Variants in PEDS1 observed in about 807,000 individuals in gnomAD.
The protein encoded by PEDS1 is plasmanylethanolamine desaturase 1, also known as CarF homolog.
In PEDS1, 14 loss-of-function variants were observed where a neutral mutation model predicts 35.2. That is an observed-to-expected ratio of 0.40 (90% confidence interval 0.26 to 0.62). The LOEUF (loss-of-function observed/expected upper bound fraction) is 0.62. Among genes scored for constraint, PEDS1 ranks in the 20% least tolerant of loss-of-function variants. The pLI is 0.44. For synonymous variants in PEDS1, 152 were observed against 152.0 expected (o/e 1.00, Z 0.00); for missense variants, 260 against 367.8 (o/e 0.71, Z 2.40).
chr20:50,129,452 T>C lies in PEDS1; in HGVS notation c.478+94A>G, dbSNP rs151061945. 1.1e-3 allele frequency: 1,726 copies of C among 1,511,468 alleles called. 21 individuals carry two copies. In the African/African-American group the frequency reaches 0.019, roughly 17 times the overall value. 93.6% of individuals were successfully genotyped at this position (1,511,468 alleles called of 1,614,324 possible). ...GAATGAAAACTCTTTTAAAATACCA[T>C]AAGGAGCCAAACACATAAGCCCCAG... On this transcript the variant is annotated intron_variant, in intron 4 of 5. Transcript: ENST00000371652. This position sits in a 1 kb window ranked among gnomAD's most constrained non-coding sequence, Gnocchi z 4.2.
chr20:50,129,013 G>C lies in PEDS1; in HGVS notation c.478+533C>G, dbSNP rs1016199781. On this transcript the variant is annotated intron_variant, in intron 4 of 5. Transcript: ENST00000371652. The surrounding 1 kb of genome is among the most constrained non-coding windows in gnomAD (Gnocchi z 4.2). ...CGGAGGCTGCCTGAAGAACAAATGG[G>C]TGTTAAGGTGCTGGAACAGGACCGG... Among the ~76,000 whole-genome samples, 1 of 152,244 alleles carries C rather than the reference G, an allele frequency of 6.6e-6. No individual in the cohort carries two copies. Among genetic ancestry groups the C allele is most frequent in the African/African-American group, 2.4e-5 (1 of 41,464 alleles).
chr20:50,152,538 G>A (rs1158518004), intron 1 of PEDS1, among the ~76,000 whole-genome samples: 2 of 150,952 alleles, frequency 1.3e-5, no homozygotes, highest in South Asian at 2.1e-4. Flanking sequence ...TAGGGCTCAC[G>A]TAGGAGTCAC....
intron 2 of PEDS1, 59 bp from the exon 3 acceptor site, chr20:50,131,006 A>G (rs1364743276): frequency 6.2e-7 from 1 of 1,613,672 alleles, no homozygotes; most frequent in African/African-American, 1.3e-5. Flanking sequence ...AGAATCACTC[A>G]TTCATTTACT....
chr20:50,153,605 C>G lies in PEDS1; in HGVS notation c.33G>C (p.Gln11His). The stretch of plus-strand genomic sequence containing the variant: ...ACGCCTCGTCCTCGTCCAGCTCCAG[C>G]TGCTGGCCCGGCCAGTTCTCGGCGC... MAGAENWPGQQLELDEDEASC... is the reference protein window; with the variant it reads MAGAENWPGQHLELDEDEASC... Residue 11 changes from glutamine (Q) to histidine (H), a missense_variant, in exon 1 of 6, where the codon CAG (glutamine) becomes CAC (histidine). This residue lies in a region of PEDS1 where 114 missense variants were observed against 121.6 expected (regional missense o/e 0.94). Transcript: ENST00000371652. 1.4e-6 allele frequency: 2 copies of G among 1,394,130 alleles called. No individual in the cohort carries two copies. The highest frequency in any genetic ancestry group is 3.0e-5 in the South Asian group (2 of 67,110). The allele number at this position is 1,394,130 out of a possible 1,614,324, so 86.4% of individuals were successfully genotyped here.
chr20:50,119,889 T>C lies in PEDS1; in HGVS notation c.*5169A>G, dbSNP rs1049230714. The C allele has an allele frequency of 1.3e-5, 2 of 152,262 alleles. No homozygotes were observed. Among genetic ancestry groups the C allele is most frequent in the African/African-American group, 4.8e-5 (2 of 41,454 alleles). The allele number at this position is 152,262 out of a possible 1,614,324, so 9.4% of individuals were successfully genotyped here. ...TCGGACAATATGTAAATGAGGGGCA[T>C]GGCTGTGTGCCAATTCAGCTTTACA... On this transcript the variant is annotated 3_prime_UTR_variant, in exon 6 of 6. Coordinates refer to ENST00000371652, the MANE Select transcript of PEDS1 (RefSeq NM_199129.4).
At chr20:50,147,319 A>T (rs2081356509) in intron 1 of PEDS1, among the ~76,000 whole-genome samples, 1 of 152,218 alleles carries the variant, frequency 6.6e-6, no homozygotes, top group African/African-American at 2.4e-5. Flanking sequence ...CTAGGCCTAA[A>T]CAATAAGTAA....
At chr20:50,141,558 G>C (rs527804987) in intron 2 of PEDS1, among the ~76,000 whole-genome samples, 1 of 152,358 alleles carries the variant, frequency 6.6e-6, no homozygotes, top group East Asian at 1.9e-4. Context: ...ATGAGGCTGA[G>C]AGATGCAATG....
intron 2 of PEDS1, among the ~76,000 whole-genome samples, chr20:50,142,971 A>G (rs1259655574): frequency 6.6e-6 from 1 of 152,088 alleles, no homozygotes; most frequent in Non-Finnish European, 1.5e-5. Flanking sequence ...GGGTGGCTAG[A>G]GGAAGCTGGG....
rs2081026639 is a variant in PEDS1 at position 50,118,765 on chromosome 20, AC to A, written c.*6292del. 1 of 151,810 alleles carries A rather than the reference AC, an allele frequency of 6.6e-6. No homozygotes were observed. The highest frequency in any genetic ancestry group is 2.4e-5 in the African/African-American group (1 of 41,312). 9.4% of individuals were successfully genotyped at this position (151,810 alleles called of 1,614,324 possible). ...CTCCCAAGTAGCTGGGATTACAGGC[AC>A]CCGCCACCACACCCAGCTAATTATT... On this transcript the variant is annotated 3_prime_UTR_variant, in exon 6 of 6. Transcript: ENST00000371652.
rs1223454653 is a variant in PEDS1, at chr20:50,139,668, C to T, written c.241+3834G>A. On this transcript the variant is annotated intron_variant, in intron 2 of 5. Coordinates refer to ENST00000371652, the MANE Select transcript of PEDS1 (RefSeq NM_199129.4). ...GCTTCATCTTGACACAGATGACCCC[C>T]GGATTTCTTTCTTTTTTTTTTTTTT... 2.0e-4 allele frequency among the ~76,000 whole-genome samples: 29 copies of T among 148,130 alleles called. No homozygotes were observed. The Admixed American group carries it at 2.0e-3, about 10-fold the overall frequency.
intron 5 of PEDS1, among the ~76,000 whole-genome samples, chr20:50,127,667 T>C (rs1297116685): frequency 6.6e-6 from 1 of 152,206 alleles, no homozygotes; most frequent in African/African-American, 2.4e-5. Context: ...TTTTGTTTGC[T>C]GCAGGAGCCT....
At chr20:50,132,381 C>T (rs992408520) in intron 2 of PEDS1, among the ~76,000 whole-genome samples, 2 of 152,194 alleles carry the variant, frequency 1.3e-5, no homozygotes, top group Non-Finnish European at 2.9e-5. Context: ...TGCTGCCTCC[C>T]ATCACTCTCC....
intron 1 of PEDS1, among the ~76,000 whole-genome samples, chr20:50,152,082 C>A (rs978121609): frequency 2.6e-5 from 4 of 152,122 alleles, no homozygotes; most frequent in Non-Finnish European, 5.9e-5. Context: ...TGGCCTACCC[C>A]CAGGAGAGCA....
chr20:50,128,235 G>A lies in PEDS1; in HGVS notation c.479-48C>T, dbSNP rs1482165860. ...GCCGGCACAGCTGTCACTCGGGACG[G>A]GGAACCCACCCCAAATGGCCCTCAC... is the stretch of plus-strand genomic sequence containing the variant. On this transcript the variant is annotated intron_variant, in intron 4 of 5. Coordinates refer to ENST00000371652, the MANE Select transcript of PEDS1 (RefSeq NM_199129.4). The surrounding 1 kb of genome is among the most constrained non-coding windows in gnomAD (Gnocchi z 5.2). The A allele has an allele frequency of 6.2e-7, 1 of 1,606,020 alleles. No individual in the cohort carries two copies. Among genetic ancestry groups the A allele is most frequent in the Non-Finnish European group, 8.5e-7 (1 of 1,176,500 alleles).
intron 2 of PEDS1, among the ~76,000 whole-genome samples, chr20:50,136,852 C>T (rs549104566): frequency 1.3e-5 from 2 of 151,828 alleles, no homozygotes; most frequent in Admixed American, 1.3e-4. Context: ...GCCTGGGCAA[C>T]ACAGCGAAAC....
At chr20:50,147,993 G>A (rs1031832227) in intron 1 of PEDS1, among the ~76,000 whole-genome samples, 25 of 152,210 alleles carry the variant, frequency 1.6e-4, no homozygotes, top group African/African-American at 4.6e-4. Context: ...GGGAGGCTGA[G>A]GCAGGAGAAT....
chr20:50,151,765 A>G (rs749071549), intron 1 of PEDS1, among the ~76,000 whole-genome samples: 1 of 152,208 alleles, frequency 6.6e-6, no homozygotes, highest in Non-Finnish European at 1.5e-5. Context: ...AGGCTGAGGC[A>G]GGAGAATGGC....
intron 1 of PEDS1, among the ~76,000 whole-genome samples, 156 bp from the exon 2 acceptor site, chr20:50,143,777 A>T: frequency 6.6e-6 from 1 of 151,510 alleles, no homozygotes; most frequent in Admixed American, 6.6e-5. Flanking sequence ...GGCTCACTGC[A>T]ACCTCCACCT....
intron 2 of PEDS1, among the ~76,000 whole-genome samples, chr20:50,139,555 C>G (rs1170922056): frequency 6.6e-6 from 1 of 152,034 alleles, no homozygotes; most frequent in East Asian, 1.9e-4. Context: ...GCCATCCCAG[C>G]CTCCCTTGCT....
Sources: gnomAD v4.1 joint callset for allele counts (sites outside exome capture counted in the v4.1 genomes callset) on GRCh38, gnomAD v4.1.1 for gene constraint, gnomAD v4.1.1 regional missense constraint, Gnocchi (gnomAD v3.1) non-coding constraint, MANE v1.5 for transcripts, NCBI Gene and HGNC (gene_info 2026-07-23, HGNC 2026-07-21) for gene names.